Variants in CITED1 observed in about 807,000 individuals in gnomAD.
CITED1 encodes the protein Cbp/p300 interacting transactivator with ED-rich tail 1, also known as cbp/p300-interacting transactivator 1.
Under a neutral mutation model 8.5 loss-of-function variants are expected in CITED1, and 3 were observed. The observed-to-expected ratio is 0.35, with a 90% CI of 0.16 to 0.91. CITED1 has a LOEUF of 0.91. CITED1 is among the 40% of genes least tolerant of loss of function. CITED1 has a pLI of 0.46. For missense variants in CITED1, 113 were observed against 154.8 expected (o/e 0.73, Z 1.43); for synonymous variants, 54 against 67.4 (o/e 0.80, Z 0.97).
intron 1 of CITED1, among the ~76,000 whole-genome samples, chrX:72,304,360 GA>G (rs1275047045): frequency 9.0e-6 from 1 of 111,524 alleles, no homozygotes. Flanking sequence ...AAAACATGAG[GA>G]AAAAATATCA....
chrX:72,305,661 C>T (rs1244531039), intron 1 of CITED1, 164 bp downstream of exon 1: 1 of 198,657 alleles, frequency 5.0e-6, no homozygotes, highest in Admixed American at 7.2e-5. Flanking sequence ...CACTCCGGCG[C>T]CGGCTGCTGC....
chrX:72,304,821 T>C, intron 1 of CITED1, among the ~76,000 whole-genome samples: 2 of 112,288 alleles, frequency 1.8e-5, no homozygotes, highest in South Asian at 7.5e-4. Flanking sequence ...ATCTTCTGCC[T>C]TCCATTACTG....
Position 72,302,777 on chromosome X carries a change from T to C in CITED1, c.60+33A>G, listed in dbSNP as rs533358117. On this transcript the variant is annotated intron_variant, in intron 2 of 2. Transcript: ENST00000651998. Reference sequence around the variant, plus strand: ...CCCATGACCCCGGAAAATTTGTCTTTCCCTGCCTCATCTGTAAAATGGCAA... The same window carrying C: ...CCCATGACCCCGGAAAATTTGTCTTCCCCTGCCTCATCTGTAAAATGGCAA... 1.3e-4 allele frequency: 152 copies of C among 1,176,571 alleles called. 2 individuals carry two copies. In the South Asian group the frequency reaches 2.4e-3, roughly 18 times the overall value.
In CITED1 at chrX:72,304,174, C is replaced by T. The variant is rs1220246364; in HGVS notation, c.-65-1240G>A. Reference sequence around the variant, plus strand: ...CCTTAAAAAGAGTCTCTAATCTTTCCAAGGAGGCTAGAATTCTCCGTGACA... The same window carrying T: ...CCTTAAAAAGAGTCTCTAATCTTTCTAAGGAGGCTAGAATTCTCCGTGACA... On this transcript the variant is annotated intron_variant, in intron 1 of 2. Coordinates refer to ENST00000651998, the MANE Select transcript of CITED1 (RefSeq NM_001144887.2). 4 of 406,608 alleles carry T rather than the reference C, an allele frequency of 9.8e-6. No homozygotes were observed. In the African/African-American group the frequency reaches 1.1e-4, roughly 11 times the overall value. The allele number at this position is 406,608 out of a possible 1,213,427, so 33.5% of individuals were successfully genotyped here.
At chrX:72,304,161 T>A (rs1041293373) in intron 1 of CITED1, 4 of 495,280 alleles carry the variant, frequency 8.1e-6, no homozygotes, top group Non-Finnish European at 9.8e-6. Context: ...TTAAAAAGAG[T>A]CTCTAATCTT....
At chrX:72,306,942 T>A (rs2043347547), upstream of CITED1, 1 of 107,701 alleles carries the variant, frequency 9.3e-6, no homozygotes, top group Non-Finnish European at 1.9e-5. Flanking sequence ...AATTTCCACG[T>A]CTTTATAACC....
intron 1 of CITED1, among the ~76,000 whole-genome samples, chrX:72,304,572 C>T (rs1018031152): frequency 9.9e-5 from 11 of 111,675 alleles, no homozygotes; most frequent in African/African-American, 3.6e-4. Flanking sequence ...TTTCCTGTTC[C>T]TATCCAGCCT....
chrX:72,303,008 C>A, intron 1 of CITED1, 74 bp from the exon 2 acceptor site: 1 of 1,116,550 alleles, frequency 9.0e-7, no homozygotes, highest in Non-Finnish European at 1.2e-6. Context: ...AAGCCCAAAG[C>A]AGGGCAATGC....
intron 1 of CITED1, chrX:72,304,146 G>A (rs905812646): frequency 1.7e-6 from 1 of 596,541 alleles, no homozygotes; most frequent in Admixed American, 9.1e-5. Context: ...AGAATCTTGA[G>A]GACCTTAAAA....
chrX:72,302,856 G>C lies in CITED1; in HGVS notation c.14C>G (p.Ser5Trp). Residue 5 changes from serine to tryptophan, a missense_variant, in exon 2 of 3, where the codon TCG becomes TGG. Physicochemically the swap from Ser to Trp is radical, Grantham distance 177. Coordinates refer to ENST00000651998, the MANE Select transcript of CITED1 (RefSeq NM_001144887.2). MPTT[S>W]RPALDVKGGT... is the part of the protein sequence containing the mutation. ...ACCCTTGACATCAAGTGCAGGCCTCGACGTTGTTGGCATTTCAGAGCCTTG... is the reference window on the plus strand; with the variant it reads ...ACCCTTGACATCAAGTGCAGGCCTCCACGTTGTTGGCATTTCAGAGCCTTG... 1 of 1,210,991 alleles carries C rather than the reference G, an allele frequency of 8.3e-7. No individual in the cohort carries two copies. Among genetic ancestry groups the C allele is most frequent in the Non-Finnish European group, 1.1e-6 (1 of 894,735 alleles).
chrX:72,303,684 C>T (rs2043309839), intron 1 of CITED1, among the ~76,000 whole-genome samples: 1 of 111,707 alleles, frequency 9.0e-6, no homozygotes, highest in South Asian at 3.8e-4. Context: ...CCTTTTTAGT[C>T]AGGTAGCAGC....
At chrX:72,305,278 A>G (rs989010934) in intron 1 of CITED1, 1 of 1,160,312 alleles carries the variant, frequency 8.6e-7, no homozygotes, top group African/African-American at 1.8e-5. Context: ...CTGTTGGGGG[A>G]CCAAAAGTTA....
At chrX:72,305,183 CGAG>C in intron 1 of CITED1, 1 of 699,679 alleles carries the variant, frequency 1.4e-6, no homozygotes, top group Non-Finnish European at 2.1e-6. Context: ...TTCCCTTGGG[CGAG>C]CAGCCCCCTC....
At chrX:72,302,737 C>T (rs1022780065) in intron 2 of CITED1, 73 bp downstream of exon 2, 2 of 947,580 alleles carry the variant, frequency 2.1e-6, no homozygotes, top group African/African-American at 3.8e-5. Context: ...GGGTAATGCA[C>T]CTAGGAGGGC....
rs1280133703 is a variant in CITED1 at position 72,305,198 on chromosome X, C to T, written c.-66+627G>A. 3.7e-6 allele frequency: 3 copies of T among 805,862 alleles called. No homozygotes were observed. The African/African-American group carries it at 6.2e-5, about 17-fold the overall frequency. 66.4% of individuals were successfully genotyped at this position (805,862 alleles called of 1,213,427 possible). ...TTCCCTTGGGCGAGCAGCCCCCTCC[C>T]GCCTAGACAGGGGTGGGAAGGGGAG... On this transcript the variant is annotated intron_variant, in intron 1 of 2. Coordinates refer to ENST00000651998, the MANE Select transcript of CITED1 (RefSeq NM_001144887.2).
upstream of CITED1, chrX:72,306,656 C>A: frequency 8.9e-6 from 1 of 112,072 alleles, no homozygotes; most frequent in South Asian, 3.3e-4. Flanking sequence ...TGGGAAAAGC[C>A]CGCACCGCGC....
intron 1 of CITED1, among the ~76,000 whole-genome samples, chrX:72,304,395 T>C (rs1031481580): frequency 4.5e-5 from 5 of 111,667 alleles, no homozygotes; most frequent in Non-Finnish European, 7.5e-5. Flanking sequence ...GCATCATTGC[T>C]TGATTGAAGC....
At chrX:72,305,070 C>T (rs1340619824) in intron 1 of CITED1, among the ~76,000 whole-genome samples, 2 of 112,956 alleles carry the variant, frequency 1.8e-5, no homozygotes, top group African/African-American at 3.2e-5. Context: ...CTGCGACAGG[C>T]GGCTGGGAAA....
At chrX:72,302,486 C>T (rs1212422329) in intron 2 of CITED1, among the ~76,000 whole-genome samples, 1 of 112,018 alleles carries the variant, frequency 8.9e-6, no homozygotes, top group African/African-American at 3.2e-5. Flanking sequence ...GGGTTCACTG[C>T]TTTCAGCTCC....
Sources: gnomAD v4.1 joint callset for allele counts (sites outside exome capture counted in the v4.1 genomes callset) on GRCh38, gnomAD v4.1.1 for gene constraint, MANE v1.5 for transcripts, NCBI Gene and HGNC (gene_info 2026-07-23, HGNC 2026-07-21) for gene names.